Variants in CCDC138 observed in about 807,000 individuals in gnomAD.
CCDC138 encodes the protein coiled-coil domain containing 138.
Under a neutral mutation model 82.3 loss-of-function variants are expected in CCDC138, and 66 were observed. The ratio of observed to expected loss-of-function variants is 0.80; its 90% CI spans 0.66 to 0.98. The LOEUF (loss-of-function observed/expected upper bound fraction) is 0.98. CCDC138 is among the 50% of genes least tolerant of loss of function. The pLI is 0.00. For missense variants in CCDC138, 816 were observed against 758.9 expected (o/e 1.08, Z -0.88); for synonymous variants, 297 against 265.4 (o/e 1.12, Z -1.16).
At chr2:108,823,176 G>A (rs1019674001) in intron 10 of CCDC138, among the ~76,000 whole-genome samples, 1 of 152,066 alleles carries the variant, frequency 6.6e-6, no homozygotes, top group Non-Finnish European at 1.5e-5. Flanking sequence ...ACAATGAAAA[G>A]CCAGAGAGCT....
chr2:108,841,975 AC>A (rs959596533), intron 11 of CCDC138, among the ~76,000 whole-genome samples: 1 of 152,030 alleles, frequency 6.6e-6, no homozygotes. Context: ...GATGGAGAGT[AC>A]CCCTCCAATG....
At chr2:108,823,543 A>G (rs2150091926) in intron 10 of CCDC138, among the ~76,000 whole-genome samples, 1 of 152,358 alleles carries the variant, frequency 6.6e-6, no homozygotes, top group Admixed American at 6.5e-5. Context: ...CCTAGGCTAT[A>G]TTAGGTAGCC....
In CCDC138 at chr2:108,853,907, T is replaced by TATATATTATATATAA. The variant is rs1558737277; in HGVS notation, c.1517-2887_1517-2886insATATATTATATATAA. On this transcript the variant is annotated intron_variant, in intron 12 of 14. Coordinates refer to ENST00000295124, the MANE Select transcript of CCDC138 (RefSeq NM_144978.3). ...TATTATATAGTATATATATTATATATTATATAGTATATATATTATATATAA... is the reference window on the plus strand; with the variant it reads ...TATTATATAGTATATATATTATATATATATATTATATATAATATATAGTATATATATTATATATAA... Among the ~76,000 whole-genome samples the TATATATTATATATAA allele has an allele frequency of 5.4e-4, 65 of 121,076 alleles. 1 individual carries two copies. The highest frequency in any genetic ancestry group is 2.2e-3 in the African/African-American group (64 of 29,548). The allele number at this position is 121,076 out of a possible 152,430, so 79.4% of individuals were successfully genotyped here. A position where few individuals can be genotyped will look rare whatever the true frequency, so the allele number is the denominator to read the frequency against.
downstream of CCDC138, among the ~76,000 whole-genome samples, chr2:108,880,345 A>G (rs777884240): frequency 1.3e-5 from 2 of 152,336 alleles, no homozygotes; most frequent in Non-Finnish European, 2.9e-5. Context: ...TGTTCTTCCC[A>G]ACTTGATCTA....
rs1246618368 is a variant in CCDC138, at chr2:108,843,893, T to C, written c.1324-2845T>C. ...GTGTGTGTGTGTTTCTTTCTTTTTTTTTTTTTTTTTTTTTTGAGACAGGGT... is the reference window on the plus strand; with the variant it reads ...GTGTGTGTGTGTTTCTTTCTTTTTTCTTTTTTTTTTTTTTTGAGACAGGGT... On this transcript the variant is annotated intron_variant, in intron 11 of 14. Coordinates refer to ENST00000295124, the MANE Select transcript of CCDC138 (RefSeq NM_144978.3). Among the ~76,000 whole-genome samples, 187 of 142,734 alleles carry C rather than the reference T, an allele frequency of 1.3e-3. 2 individuals are homozygous for C. Among genetic ancestry groups the C allele is most frequent in the African/African-American group, 4.7e-3 (183 of 39,168 alleles). 93.6% of individuals were successfully genotyped at this position (142,734 alleles called of 152,430 possible).
At chr2:108,874,892 T>G (rs1695797823) in intron 14 of CCDC138, among the ~76,000 whole-genome samples, 3 of 149,094 alleles carry the variant, frequency 2.0e-5, no homozygotes, top group African/African-American at 7.3e-5. Context: ...TTACTTAGAT[T>G]TAATTCTTTT....
chr2:108,842,748 G>C (rs1258757959), intron 11 of CCDC138, among the ~76,000 whole-genome samples: 1 of 152,168 alleles, frequency 6.6e-6, no homozygotes, highest in Non-Finnish European at 1.5e-5. Flanking sequence ...TGGAAACAGT[G>C]TTAAAAGTGA....
At chr2:108,885,287 C>G (rs1158700348) in exon 3 of CCDC138, 3 of 152,190 alleles carry the variant, frequency 2.0e-5, no homozygotes, top group Non-Finnish European at 2.9e-5. Flanking sequence ...TTGTTTTCCT[C>G]TCATATAACT....
chr2:108,872,919 A>G (rs1256577508), intron 13 of CCDC138, among the ~76,000 whole-genome samples: 2 of 152,212 alleles, frequency 1.3e-5, no homozygotes, highest in Admixed American at 6.5e-5. Flanking sequence ...ATAAAAGTCC[A>G]GAGTCTCATC....
chr2:108,843,355 G>T (rs1271703927), intron 11 of CCDC138, among the ~76,000 whole-genome samples: 1 of 151,916 alleles, frequency 6.6e-6, no homozygotes, highest in African/African-American at 2.4e-5. Flanking sequence ...ATGGGGTTTC[G>T]CCATGTTGGC....
At chr2:108,818,422 TAAAA>T (rs1269262565) in intron 10 of CCDC138, among the ~76,000 whole-genome samples, 1 of 152,200 alleles carries the variant, frequency 6.6e-6, no homozygotes, top group Non-Finnish European at 1.5e-5. Context: ...CATCTGTAAA[TAAAA>T]AGTTGTCTGT....
intron 11 of CCDC138, among the ~76,000 whole-genome samples, chr2:108,842,949 G>A (rs1316546592): frequency 6.6e-6 from 1 of 151,886 alleles, no homozygotes; most frequent in Non-Finnish European, 1.5e-5. Context: ...TTCTGTATAC[G>A]CTTAGAACCA....
chr2:108,835,194 A>G (rs553545216), intron 10 of CCDC138, among the ~76,000 whole-genome samples: 28 of 152,288 alleles, frequency 1.8e-4, no homozygotes, highest in African/African-American at 6.7e-4. Context: ...TGAAATGACT[A>G]CTGTAGTGTA....
In CCDC138 at chr2:108,873,594, G is replaced by A. The variant is rs925148687; in HGVS notation, c.1832+5G>A. ...ACAGAAACTTTCCAAAATCAAGTAA[G>A]AATTTCTTATTTCTAACATTTTTTA... is the stretch of plus-strand genomic sequence containing the variant. On this transcript the variant is annotated splice_donor_5th_base_variant and intron_variant, in intron 14 of 14. Transcript: ENST00000295124. The A allele has an allele frequency of 6.4e-7, 1 of 1,557,196 alleles. No homozygotes were observed. Among genetic ancestry groups the A allele is most frequent in the African/African-American group, 1.4e-5 (1 of 72,822 alleles).
At chr2:108,808,223 G>A (rs1481353796) in intron 7 of CCDC138, among the ~76,000 whole-genome samples, 2 of 152,102 alleles carry the variant, frequency 1.3e-5, no homozygotes, top group African/African-American at 4.8e-5. Context: ...TAAAGAAAAT[G>A]TATAACCACA....
At chr2:108,810,271 TTG>T (rs545790070) in intron 7 of CCDC138, among the ~76,000 whole-genome samples, 150 of 152,324 alleles carry the variant, frequency 9.8e-4, no homozygotes, top group African/African-American at 3.4e-3. Context: ...ATGATGTTAA[TTG>T]TGTGTTTGTT....
At chr2:108,793,140 G>A (rs943207353) in intron 4 of CCDC138, among the ~76,000 whole-genome samples, 4 of 150,718 alleles carry the variant, frequency 2.7e-5, no homozygotes, top group Non-Finnish European at 3.0e-5. Context: ...GGCGGATCAC[G>A]AGGTCAGGAG....
At position 108,794,676 on chromosome 2, in the gene CCDC138, C is replaced by T. The variant is rs752479595; in HGVS notation, c.531C>T (p.Ile177=). 1.3e-5 allele frequency: 21 copies of T among 1,613,880 alleles called. No individual in the cohort carries two copies. The South Asian group carries it at 2.2e-4, about 17-fold the overall frequency. Reference sequence around the variant, plus strand: ...AGCGGAGTTTACTTCCACATCAGATCAGTCAGATATATGACGAATTATTTC... The same window carrying T: ...AGCGGAGTTTACTTCCACATCAGATTAGTCAGATATATGACGAATTATTTC... The part of the protein sequence containing the change: ...SDKRSLLPHQ[I]SQIYDELFQI... Residue 177 remains isoleucine, a synonymous_variant, in exon 5 of 15, where the codon ATC becomes ATT. Coordinates refer to ENST00000295124, the MANE Select transcript of CCDC138 (RefSeq NM_144978.3).
At chr2:108,800,751 A>G (rs1338858304) in intron 6 of CCDC138, among the ~76,000 whole-genome samples, 6 of 111,518 alleles carry the variant, frequency 5.4e-5, no homozygotes, top group Non-Finnish European at 1.1e-4. Context: ...AGCATTAGGT[A>G]TATCTCCCAA....
Sources: allele counts gnomAD v4.1 joint callset (sites outside exome capture counted in the v4.1 genomes callset), GRCh38; gene constraint gnomAD v4.1.1; transcripts MANE v1.5; gene names NCBI Gene and HGNC (gene_info 2026-07-23, HGNC 2026-07-21).